Variants in ZFHX3 observed in about 807,000 individuals in gnomAD.
The protein encoded by ZFHX3 is zinc finger homeobox protein 3.
Under a neutral mutation model 279.1 loss-of-function variants are expected in ZFHX3, and 42 were observed. The ratio of observed to expected loss-of-function variants is 0.15; its 90% confidence interval spans 0.12 to 0.19. ZFHX3 has a LOEUF of 0.19. Among genes scored for constraint, ZFHX3 ranks in the 10% least tolerant of loss-of-function variants. ZFHX3 has a pLI of 1.00. For missense variants in ZFHX3, 4,981 were observed against 4,754.0 expected (o/e 1.05, Z -1.40); for synonymous variants, 2,293 against 1,957.8 (o/e 1.17, Z -4.52).
In ZFHX3 at chr16:72,786,595, A is replaced by AG; in HGVS notation, c.*568_*569insC. ...AATCTTTTCTGGAACAAAAAAAAAA[A>AG]AAAAAACTGAAAAAACAATAATATA... On this transcript the variant is annotated 3_prime_UTR_variant, in exon 10 of 10. Coordinates refer to ENST00000268489, the MANE Select transcript of ZFHX3 (RefSeq NM_006885.4). 6.6e-6 allele frequency: 1 copy of AG among 151,800 alleles called. No homozygotes were observed. The highest frequency in any genetic ancestry group is 2.4e-5 in the African/African-American group (1 of 41,352). The allele number at this position is 151,800 out of a possible 1,614,324, so 9.4% of individuals were successfully genotyped here.
At chr16:73,640,463 G>A (rs1275622115) in intron 2 of ZFHX3, among the ~76,000 whole-genome samples, 1 of 151,992 alleles carries the variant, frequency 6.6e-6, no homozygotes, top group East Asian at 1.9e-4. Context: ...ACAATGCAGA[G>A]AACAAAAGAA....
intron 3 of ZFHX3, among the ~76,000 whole-genome samples, chr16:73,345,276 G>T (rs1340322544): frequency 6.6e-6 from 1 of 151,998 alleles, no homozygotes; most frequent in Non-Finnish European, 1.5e-5. Context: ...TGCAGGATGT[G>T]CAGGTTTGTT....
intron 3 of ZFHX3, among the ~76,000 whole-genome samples, chr16:72,927,638 G>A (rs1959527412): frequency 6.6e-6 from 1 of 152,156 alleles, no homozygotes; most frequent in Non-Finnish European, 1.5e-5. Context: ...GCATGGCACT[G>A]GGGCTGGCAG....
chr16:73,250,677 G>T (rs961748690), intron 5 of ZFHX3, among the ~76,000 whole-genome samples: 2 of 151,808 alleles, frequency 1.3e-5, no homozygotes, highest in African/African-American at 4.8e-5. Context: ...GGGACTACAG[G>T]TGCCCGCCAC....
chr16:72,822,794 A>ATT (rs2036828710), intron 5 of ZFHX3, among the ~76,000 whole-genome samples: 2 of 110,524 alleles, frequency 1.8e-5, no homozygotes, highest in Admixed American at 1.9e-4. Context: ...CTAGAAAGTG[A>ATT]GTTTTTTTTT....
chr16:73,210,067 T>C (rs1327577551), intron 5 of ZFHX3, among the ~76,000 whole-genome samples: 1 of 152,194 alleles, frequency 6.6e-6, no homozygotes, highest in African/African-American at 2.4e-5. Context: ...GAACTTGGCC[T>C]GGAAGGAAGG....
intron 1 of ZFHX3, among the ~76,000 whole-genome samples, chr16:73,833,822 G>A (rs1321267575): frequency 2.0e-5 from 3 of 149,600 alleles, no homozygotes; most frequent in African/African-American, 4.9e-5. Context: ...CATATGGTAG[G>A]TATTGAGCAC....
At chr16:73,297,127 T>G (rs1309912763) in intron 4 of ZFHX3, among the ~76,000 whole-genome samples, 2 of 151,844 alleles carry the variant, frequency 1.3e-5, no homozygotes, top group African/African-American at 4.9e-5. Flanking sequence ...TCCGCCCGCC[T>G]AGGCCTCCCA....
intron 5 of ZFHX3, among the ~76,000 whole-genome samples, chr16:73,253,078 C>T (rs1023448547): frequency 2.0e-5 from 3 of 152,220 alleles, no homozygotes; most frequent in African/African-American, 7.2e-5. Context: ...CAGGCGATGA[C>T]TGAGCACGGC....
At chr16:73,675,565 T>C (rs2052946168) in intron 2 of ZFHX3, among the ~76,000 whole-genome samples, 1 of 152,088 alleles carries the variant, frequency 6.6e-6, no homozygotes. Flanking sequence ...TCACTGCCTT[T>C]ATAGAACTTA....
chr16:73,445,320 G>A (rs2018167537), intron 3 of ZFHX3, among the ~76,000 whole-genome samples: 1 of 151,426 alleles, frequency 6.6e-6, no homozygotes, highest in Non-Finnish European at 1.5e-5. Flanking sequence ...GTGTGTATAT[G>A]TATGGGGGGG....
chr16:73,424,791 A>T (rs1242574362), intron 3 of ZFHX3, among the ~76,000 whole-genome samples: 1 of 151,794 alleles, frequency 6.6e-6, no homozygotes, highest in Non-Finnish European at 1.5e-5. Context: ...AAAGAAAAGA[A>T]AAAAAAGAAC....
Position 73,073,810 on chromosome 16 carries a change from T to C in ZFHX3, c.-532-14798A>G, listed in dbSNP as rs561600264. 4.0e-3 allele frequency among the ~76,000 whole-genome samples: 609 copies of C among 152,334 alleles called. 3 individuals carry two copies. The highest frequency in any genetic ancestry group is 7.6e-3 in the Non-Finnish European group (515 of 68,024). On this transcript the variant is annotated intron_variant, in intron 8 of 17. Coordinates refer to the ZFHX3 transcript ENST00000641206. Reference sequence around the variant, plus strand: ...CACCAAGCCCGGCCTGGACTTGCTGTTTTGAGACATCGTTAGGTAGATAAC... The same window carrying C: ...CACCAAGCCCGGCCTGGACTTGCTGCTTTGAGACATCGTTAGGTAGATAAC...
chr16:73,533,562 T>G (rs181826353), intron 2 of ZFHX3, among the ~76,000 whole-genome samples: 1 of 152,090 alleles, frequency 6.6e-6, no homozygotes, highest in East Asian at 1.9e-4. Flanking sequence ...GTCCCAGATT[T>G]GTATGCCTAG....
intron 1 of ZFHX3, among the ~76,000 whole-genome samples, chr16:73,811,659 C>T (rs142534332): frequency 0.014 from 2,196 of 152,102 alleles, 27 homozygotes; most frequent in Non-Finnish European, 0.021. Flanking sequence ...GTTGGCCAGG[C>T]TGGTCTCGAA....
chr16:73,204,468 A>G (rs574657438), intron 5 of ZFHX3, among the ~76,000 whole-genome samples: 59 of 152,268 alleles, frequency 3.9e-4, no homozygotes, highest in African/African-American at 1.4e-3. Flanking sequence ...TGCAGTTCAC[A>G]ATAGGGTTTG....
At position 73,313,167 on chromosome 16, in the gene ZFHX3, C is replaced by T. The variant is rs562682067; in HGVS notation, c.-1194+5073G>A. ...CCTTTTCTCGCTCTCTCTCCTGCTC[C>T]GCCATATTAAGACATGCTTGCTTTC... On this transcript the variant is annotated intron_variant, in intron 4 of 17. Coordinates refer to the ZFHX3 transcript ENST00000641206. Among the ~76,000 whole-genome samples, 33 of 152,258 alleles carry T rather than the reference C, an allele frequency of 2.2e-4. No individual in the cohort carries two copies. The South Asian group carries it at 3.7e-3, about 17-fold the overall frequency.
chr16:72,982,260 T>C (rs1353194350), intron 1 of ZFHX3, among the ~76,000 whole-genome samples: 1 of 152,200 alleles, frequency 6.6e-6, no homozygotes, highest in Non-Finnish European at 1.5e-5. Context: ...TTTTCGATTT[T>C]ACAGGTTTAA....
intron 3 of ZFHX3, among the ~76,000 whole-genome samples, chr16:73,377,989 C>A (rs1442963840): frequency 2.4e-5 from 3 of 126,700 alleles, no homozygotes; most frequent in Non-Finnish European, 4.6e-5. Flanking sequence ...GCCAAGATTG[C>A]ACCACTGCAC....
Sources: allele counts gnomAD v4.1 joint callset (sites outside exome capture counted in the v4.1 genomes callset), GRCh38; gene constraint gnomAD v4.1.1; transcripts MANE v1.5; gene names NCBI Gene and HGNC (gene_info 2026-07-23, HGNC 2026-07-21).